The following STON2 variants were observed in gnomAD, a reference collection of about 807,000 sequenced individuals.
STON2 encodes stonin-2.
Under a neutral mutation model 65.7 loss-of-function variants are expected in STON2, and 29 were observed. That is an observed-to-expected ratio of 0.44 (90% CI 0.33 to 0.60). STON2 has a LOEUF of 0.60. Among genes scored for constraint, STON2 ranks in the 20% least tolerant of loss-of-function variants. STON2 has a pLI of 0.03. For missense variants in STON2, 1,054 were observed against 1,118.1 expected, an observed-to-expected ratio of 0.94 and a Z score of 0.82; for synonymous variants, 404 against 414.2, an observed-to-expected ratio of 0.98 and a Z score of 0.30.
At chr14:81,435,680 C>T (rs1026476211) in intron 1 of STON2, among the ~76,000 whole-genome samples, 1 of 151,032 alleles carries the variant, frequency 6.6e-6, no homozygotes, top group Non-Finnish European at 1.5e-5. Flanking sequence ...CGCACACACA[C>T]GCACGAATGC....
intron 4 of STON2, among the ~76,000 whole-genome samples, chr14:81,338,696 A>G (rs1339232305): frequency 6.6e-6 from 1 of 152,176 alleles, no homozygotes; most frequent in Non-Finnish European, 1.5e-5. Context: ...CACTATGTCC[A>G]GGTAGATAGT....
intron 3 of STON2, among the ~76,000 whole-genome samples, chr14:81,384,583 C>T (rs887222579): frequency 3.9e-5 from 6 of 152,100 alleles, no homozygotes; most frequent in Non-Finnish European, 7.3e-5. Context: ...GGTATGAACC[C>T]CCCTCCCTGT....
chr14:81,267,280 C>T lies in STON2; in HGVS notation c.*1134G>A, dbSNP rs772268253. 2.5e-4 allele frequency: 243 copies of T among 985,292 alleles called. 1 individual carries two copies. Among genetic ancestry groups the T allele is most frequent in the Non-Finnish European group, 2.8e-4 (230 of 829,944 alleles). The allele number at this position is 985,292 out of a possible 1,614,324, so 61.0% of individuals were successfully genotyped here. On this transcript the variant is annotated 3_prime_UTR_variant, in exon 8 of 8. Transcript: ENST00000614646. ...TGGAATCAGAATATAATGTTCCCAA[C>T]ATTAGAAAAATATGGCTTTTCCACG... is the stretch of plus-strand genomic sequence containing the variant.
chr14:81,324,023 G>A lies in STON2; in HGVS notation c.736C>T (p.Pro246Ser), dbSNP rs1299691838. Residue 246 changes from proline (P) to serine (S), a missense_variant, in exon 5 of 8, where the codon CCC becomes TCC. Coordinates refer to ENST00000614646, the MANE Select transcript of STON2 (RefSeq NM_001394390.1). ...TGCTGCGGGCAGCCCTTACCATTGG[G>A]AGCAGAGGCCCCCTCCGGACCCTCG... ...PGEGPEGASA[P>S]NDNSSSLQED... 6.6e-6 allele frequency among the ~76,000 whole-genome samples: 1 copy of A among 152,224 alleles called. No homozygotes were observed. The highest frequency in any genetic ancestry group is 1.5e-5 in the Non-Finnish European group (1 of 68,038).
chr14:81,351,052 C>T (rs978426345), intron 4 of STON2, among the ~76,000 whole-genome samples: 4 of 152,052 alleles, frequency 2.6e-5, no homozygotes, highest in African/African-American at 7.2e-5. Flanking sequence ...ATTTGAAATG[C>T]TATCTACATT....
intron 5 of STON2, among the ~76,000 whole-genome samples, chr14:81,281,643 C>T (rs900030064): frequency 6.6e-6 from 1 of 152,164 alleles, no homozygotes; most frequent in African/African-American, 2.4e-5. Context: ...GTCCTCAAAA[C>T]AGCCCTTCTC....
intron 2 of STON2, among the ~76,000 whole-genome samples, chr14:81,421,122 G>T (rs1000923427): frequency 2.6e-5 from 4 of 152,208 alleles, no homozygotes; most frequent in African/African-American, 9.6e-5. Flanking sequence ...GAGACGGTAT[G>T]AGGATGTCTT....
intron 3 of STON2, chr14:81,395,629 T>C (rs1369630239): frequency 1.6e-5 from 7 of 429,360 alleles, no homozygotes; most frequent in Non-Finnish European, 2.9e-5. Context: ...TATATATGCA[T>C]TATTTTAAAG....
chr14:81,375,448 C>T (rs1359223416), intron 3 of STON2, among the ~76,000 whole-genome samples: 1 of 151,848 alleles, frequency 6.6e-6, no homozygotes, highest in African/African-American at 2.4e-5. Flanking sequence ...TATGGATAGA[C>T]TTTACAACAA....
chr14:81,382,916 A>G (rs553940310), intron 3 of STON2, among the ~76,000 whole-genome samples: 29 of 152,274 alleles, frequency 1.9e-4, no homozygotes, highest in African/African-American at 6.5e-4. Context: ...TCGCTCTAAT[A>G]CACTTTGTTT....
chr14:81,416,961 G>C (rs1163743685), intron 2 of STON2, among the ~76,000 whole-genome samples: 1 of 152,188 alleles, frequency 6.6e-6, no homozygotes, highest in Non-Finnish European at 1.5e-5. Context: ...GCTCTACAAT[G>C]AAGTCAGCTC....
chr14:81,296,853 T>C (rs912790807), intron 5 of STON2, among the ~76,000 whole-genome samples: 1 of 152,198 alleles, frequency 6.6e-6, no homozygotes, highest in Non-Finnish European at 1.5e-5. Flanking sequence ...CTCCCTAAAA[T>C]ATTTAGAGAG....
chr14:81,430,121 T>C (rs568220648), intron 1 of STON2, among the ~76,000 whole-genome samples: 2 of 152,022 alleles, frequency 1.3e-5, no homozygotes, highest in South Asian at 2.1e-4. Context: ...AAATCCTCCT[T>C]CTCCATCCAG....
At chr14:81,347,146 G>T (rs191817903) in intron 4 of STON2, among the ~76,000 whole-genome samples, 8 of 151,544 alleles carry the variant, frequency 5.3e-5, no homozygotes, top group South Asian at 2.1e-4. Context: ...CTGGCTTTTT[G>T]AAAAGATAAA....
At chr14:81,301,880 A>G (rs1895983451) in intron 5 of STON2, among the ~76,000 whole-genome samples, 1 of 152,222 alleles carries the variant, frequency 6.6e-6, no homozygotes, top group African/African-American at 2.4e-5. Flanking sequence ...CAATCTCCAG[A>G]AATGCTTGCT....
intron 2 of STON2, among the ~76,000 whole-genome samples, chr14:81,410,992 A>G (rs921286432): frequency 8.5e-5 from 13 of 152,196 alleles, no homozygotes; most frequent in Non-Finnish European, 1.5e-4. Flanking sequence ...AACATACTAC[A>G]TGGGTATTCT....
intron 3 of STON2, among the ~76,000 whole-genome samples, chr14:81,380,135 A>C (rs1369597270): frequency 6.6e-6 from 1 of 152,246 alleles, no homozygotes; most frequent in Non-Finnish European, 1.5e-5. Flanking sequence ...AAGAAACTTA[A>C]ATCAACAAGC....
At chr14:81,289,734 C>T (rs965790678) in intron 5 of STON2, among the ~76,000 whole-genome samples, 1 of 152,182 alleles carries the variant, frequency 6.6e-6, no homozygotes, top group South Asian at 2.1e-4. Context: ...AGCTCCAGCT[C>T]CTCGGGGCTG....
intron 2 of STON2, among the ~76,000 whole-genome samples, chr14:81,419,972 G>T (rs17111805): frequency 0.064 from 9,686 of 152,190 alleles, 520 homozygotes; most frequent in East Asian, 0.2. Flanking sequence ...GGAGGGGCTG[G>T]TGCTTGGACA....
Sources: allele counts gnomAD v4.1 joint callset (sites outside exome capture counted in the v4.1 genomes callset), GRCh38; gene constraint gnomAD v4.1.1; transcripts MANE v1.5; gene names NCBI Gene and HGNC (gene_info 2026-07-23, HGNC 2026-07-21).